Variants in RSRP1 observed in about 807,000 individuals in gnomAD.
RSRP1 encodes arginine and serine rich protein 1.
Under a neutral mutation model 33.0 loss-of-function variants are expected in RSRP1, and 37 were observed. That is an observed-to-expected ratio of 1.12 (90% CI 0.86 to 1.48). RSRP1 has a LOEUF of 1.48. Ranked by LOEUF, RSRP1 falls within the 40% of genes most tolerant of loss-of-function variation. RSRP1 has a pLI of 0.00. For missense variants in RSRP1, 402 were observed against 385.3 expected (o/e 1.04, Z -0.36); for synonymous variants, 167 against 158.7 (o/e 1.05, Z -0.40).
At chr1:25,252,327 T>C (rs1445994959), upstream of RSRP1, among the ~76,000 whole-genome samples, 1 of 151,942 alleles carries the variant, frequency 6.6e-6, no homozygotes, top group Non-Finnish European at 1.5e-5. Flanking sequence ...TAAACTACTT[T>C]AGGTTCATTT....
intron 1 of RSRP1, among the ~76,000 whole-genome samples, chr1:25,254,434 T>TTTTTG (rs75396535): frequency 4.2e-4 from 64 of 150,940 alleles, no homozygotes; most frequent in Middle Eastern, 3.4e-3. Flanking sequence ...TATGAATAGG[T>TTTTTG]TTTTGTTTTG....
intron 1 of RSRP1, chr1:25,290,615 G>C (rs41267486): frequency 7.4e-7 from 1 of 1,359,838 alleles, no homozygotes; most frequent in Admixed American, 1.8e-5. Context: ...CTTCTCAGTC[G>C]TCCTGGCTCT....
At chr1:25,245,378 A>ATAAATATGT in intron 2 of RSRP1, 77 bp from the exon 3 acceptor site, 1 of 1,466,596 alleles carries the variant, frequency 6.8e-7, no homozygotes, top group South Asian at 1.3e-5. Context: ...GAATTACACA[A>ATAAATATGT]TAAATATGTT....
intron 1 of RSRP1, among the ~76,000 whole-genome samples, chr1:25,259,653 C>T (rs888432669): frequency 2.0e-5 from 3 of 152,056 alleles, no homozygotes; most frequent in African/African-American, 7.2e-5. Context: ...CAAGTGCACA[C>T]TACCACGCCC....
In RSRP1 at chr1:25,298,703, A is replaced by G. The variant is rs1365583237; in HGVS notation, c.-67+39275T>C. 1.4e-4 allele frequency among the ~76,000 whole-genome samples: 18 copies of G among 131,478 alleles called. 3 individuals are homozygous for G. The highest frequency in any genetic ancestry group is 2.2e-4 in the Admixed American group (3 of 13,472). The allele number at this position is 131,478 out of a possible 152,430, so 86.3% of individuals were successfully genotyped here. A position where few individuals can be genotyped will look rare whatever the true frequency, so the allele number is the denominator to read the frequency against. ...TTCCCTTCACAAATATTTATTTGGT[A>G]TTTACTATATACCAGGGACTCTTGT... On this transcript the variant is annotated intron_variant, in intron 1 of 1. Coordinates refer to the RSRP1 transcript ENST00000561867.
In RSRP1 at chr1:25,309,663, T is replaced by G. The variant is rs1266806325; in HGVS notation, c.-67+28315A>C. ...CTGGGAAGCATCTGGCCAAGCTTTGTGGACAGGCCTGCCTAGTTTGAATCC... is the reference window on the plus strand; with the variant it reads ...CTGGGAAGCATCTGGCCAAGCTTTGGGGACAGGCCTGCCTAGTTTGAATCC... On this transcript the variant is annotated intron_variant, in intron 1 of 1. Coordinates refer to the RSRP1 transcript ENST00000561867. Among the ~76,000 whole-genome samples the G allele has an allele frequency of 1.5e-5, 2 of 132,260 alleles. 1 individual carries two copies. Among genetic ancestry groups the G allele is most frequent in the Non-Finnish European group, 3.6e-5 (2 of 55,998 alleles). 86.8% of individuals were successfully genotyped at this position (132,260 alleles called of 152,430 possible).
intron 1 of RSRP1, among the ~76,000 whole-genome samples, chr1:25,279,831 T>G (rs1467398199): frequency 1.5e-5 from 2 of 130,814 alleles, no homozygotes; most frequent in East Asian, 3.9e-4. Flanking sequence ...GGTCCAGGCA[T>G]GGGCGCCCGG....
chr1:25,276,642 A>G lies in RSRP1; in HGVS notation c.-66-29613T>C, dbSNP rs2124594168. On this transcript the variant is annotated intron_variant, in intron 1 of 1. Transcript: ENST00000561867. ...GGTGAGAGGCTTGCTTGAGCCTGGG[A>G]GCTTGAGGCTGCAGTGGGACGGGAT... Among the ~76,000 whole-genome samples, 2 of 128,402 alleles carry G rather than the reference A, an allele frequency of 1.6e-5. 1 individual carries two copies. The highest frequency in any genetic ancestry group is 5.4e-5 in the African/African-American group (2 of 37,044). The allele number at this position is 128,402 out of a possible 152,430, so 84.2% of individuals were successfully genotyped here. A position where few individuals can be genotyped will look rare whatever the true frequency, so the allele number is the denominator to read the frequency against.
At chr1:25,283,149 C>T (rs1340880277) in intron 1 of RSRP1, among the ~76,000 whole-genome samples, 1 of 131,808 alleles carries the variant, frequency 7.6e-6, no homozygotes, top group African/African-American at 2.6e-5. Flanking sequence ...ATGATCATTT[C>T]CCCTATTTAA....
chr1:25,300,683 C>A lies in RSRP1; in HGVS notation c.-67+37295G>T. ...AATTAGCCCAGCGTAGTGGCGCATG[C>A]CTGTAATCCCAGCTACTAGGGAAGC... On this transcript the variant is annotated intron_variant, in intron 1 of 1. Transcript: ENST00000561867. Among the ~76,000 whole-genome samples, 2 of 131,514 alleles carry A rather than the reference C, an allele frequency of 1.5e-5. 1 individual carries two copies. The highest frequency in any genetic ancestry group is 3.6e-5 in the Non-Finnish European group (2 of 55,754). 86.3% of individuals were successfully genotyped at this position (131,514 alleles called of 152,430 possible).
At chr1:25,310,376 C>T (rs946503828) in intron 1 of RSRP1, among the ~76,000 whole-genome samples, 17 of 133,160 alleles carry the variant, frequency 1.3e-4, no homozygotes, top group African/African-American at 3.8e-4. Flanking sequence ...TGCCCTCTCA[C>T]TGTGTGATGA....
rs1319121635 is a variant in RSRP1 at position 25,332,145 on chromosome 1, T to G, written c.-67+5833A>C. 2.3e-4 allele frequency among the ~76,000 whole-genome samples: 29 copies of G among 125,144 alleles called. 3 individuals carry two copies. Among genetic ancestry groups the G allele is most frequent in the African/African-American group, 7.9e-4 (29 of 36,650 alleles). The allele number at this position is 125,144 out of a possible 152,430, so 82.1% of individuals were successfully genotyped here. A position where few individuals can be genotyped will look rare whatever the true frequency, so the allele number is the denominator to read the frequency against. Reference sequence around the variant, plus strand: ...AACCTCTACCATGTTCAAGCGATTCTCCCACCTCTGCCTCCCGTGTAGCTG... The same window carrying G: ...AACCTCTACCATGTTCAAGCGATTCGCCCACCTCTGCCTCCCGTGTAGCTG... On this transcript the variant is annotated intron_variant, in intron 1 of 1. Transcript: ENST00000561867.
At position 25,296,694 on chromosome 1, in the gene RSRP1, G is replaced by C. The variant is rs1462322029; in HGVS notation, c.-67+41284C>G. Among the ~76,000 whole-genome samples, 2 of 128,546 alleles carry C rather than the reference G, an allele frequency of 1.6e-5. 1 individual carries two copies. Among genetic ancestry groups the C allele is most frequent in the African/African-American group, 5.3e-5 (2 of 37,758 alleles). 84.3% of individuals were successfully genotyped at this position (128,546 alleles called of 152,430 possible). On this transcript the variant is annotated intron_variant, in intron 1 of 1. Transcript: ENST00000561867. ...CATGCTGTTCTTGTGACAGTGAGTGGGTTTTCAGGAGAGCTGATGGTTTGA... is the reference window on the plus strand; with the variant it reads ...CATGCTGTTCTTGTGACAGTGAGTGCGTTTTCAGGAGAGCTGATGGTTTGA...
chr1:25,318,980 T>G (rs767929664), intron 1 of RSRP1, among the ~76,000 whole-genome samples: 3 of 133,196 alleles, frequency 2.3e-5, no homozygotes, highest in African/African-American at 5.1e-5. Flanking sequence ...GTAGCGTTAA[T>G]TCCGTAAGTT....
In RSRP1 at chr1:25,273,285, A is replaced by G. The variant is rs1233988033; in HGVS notation, c.-66-26256T>C. Among the ~76,000 whole-genome samples, 7 of 118,218 alleles carry G rather than the reference A, an allele frequency of 5.9e-5. 1 individual carries two copies. In the East Asian group the frequency reaches 6.0e-4, roughly 10 times the overall value. 77.6% of individuals were successfully genotyped at this position (118,218 alleles called of 152,430 possible). A position where few individuals can be genotyped will look rare whatever the true frequency, so the allele number is the denominator to read the frequency against. On this transcript the variant is annotated intron_variant, in intron 1 of 1. Coordinates refer to the RSRP1 transcript ENST00000561867. ...CAAGAAGCTGGGACCACAGGAGGGC[A>G]CCACCATGCCTGGCTAATTTTTTTT...
upstream of RSRP1, among the ~76,000 whole-genome samples, chr1:25,251,567 C>G (rs1216487222): frequency 6.6e-6 from 1 of 152,072 alleles, no homozygotes; most frequent in Non-Finnish European, 1.5e-5. Context: ...CGGGGTTTCT[C>G]CATGTTGGTC....
chr1:25,246,297 C>T (rs1571515363), intron 2 of RSRP1, 147 bp downstream of exon 2: 10 of 1,272,454 alleles, frequency 7.9e-6, no homozygotes, highest in East Asian at 2.3e-5. Context: ...CACTTAAATA[C>T]AGGTAATGTC....
chr1:25,306,460 T>G, intron 1 of RSRP1: 1 of 869,110 alleles, frequency 1.2e-6, no homozygotes, highest in Non-Finnish European at 1.9e-6. Flanking sequence ...CATTCAAGTC[T>G]GAGAAGGGCT....
rs1271548263 is a variant in RSRP1 at position 25,316,417 on chromosome 1, C to T, written c.-67+21561G>A. Among the ~76,000 whole-genome samples, 5 of 128,290 alleles carry T rather than the reference C, an allele frequency of 3.9e-5. 1 individual carries two copies. Among genetic ancestry groups the T allele is most frequent in the Non-Finnish European group, 7.3e-5 (4 of 54,616 alleles). The allele number at this position is 128,290 out of a possible 152,430, so 84.2% of individuals were successfully genotyped here. A position where few individuals can be genotyped will look rare whatever the true frequency, so the allele number is the denominator to read the frequency against. On this transcript the variant is annotated intron_variant, in intron 1 of 1. Transcript: ENST00000561867. Reference sequence around the variant, plus strand: ...GGCAGATCACTTGAGGTCAGGAGTTCGAGATCACCCTGGTCAACATGGTGA... The same window carrying T: ...GGCAGATCACTTGAGGTCAGGAGTTTGAGATCACCCTGGTCAACATGGTGA...
Sources: gnomAD v4.1 joint callset for allele counts (sites outside exome capture counted in the v4.1 genomes callset) on GRCh38, gnomAD v4.1.1 for gene constraint, MANE v1.5 for transcripts, NCBI Gene and HGNC (gene_info 2026-07-23, HGNC 2026-07-21) for gene names.